Variants in MYO3A observed in about 807,000 individuals in gnomAD.
MYO3A encodes the protein myosin-IIIa.
In MYO3A, 180 loss-of-function variants were observed where a neutral mutation model predicts 192.7. The observed-to-expected ratio is 0.93, with a 90% CI of 0.83 to 1.06. The LOEUF (loss-of-function observed/expected upper bound fraction) is 1.06, where lower values mean the gene tolerates loss of function less well. MYO3A is among the 50% of genes least tolerant of loss of function. The pLI is 0.00. For missense variants in MYO3A, 1,896 were observed against 1,905.0 expected, an observed-to-expected ratio of 1.00 and a Z score of 0.09; for synonymous variants, 628 against 645.3, an observed-to-expected ratio of 0.97 and a Z score of 0.41.
rs1426202313 is a variant in MYO3A, at chr10:25,997,158, G to A, written c.409-1G>A. The A allele has an allele frequency of 1.9e-6, 3 of 1,609,496 alleles. No individual in the cohort carries two copies. Among genetic ancestry groups the A allele is most frequent in the Non-Finnish European group, 2.6e-6 (3 of 1,176,312 alleles). ...GTCATTATATATTTCTTATCTTCTA[G>A]GGACTTCAACATTTGCATAACAACA... On this transcript the variant is annotated splice_acceptor_variant, in intron 5 of 34. Transcript: ENST00000642920. LOFTEE classifies it high-confidence loss of function.
chr10:25,992,231 T>C (rs2130867450), intron 4 of MYO3A, among the ~76,000 whole-genome samples: 1 of 152,336 alleles, frequency 6.6e-6, no homozygotes, highest in East Asian at 1.9e-4. Context: ...GTCCTTCACA[T>C]CCCTTGTAAG....
At position 26,168,878 on chromosome 10, in the gene MYO3A, A is replaced by G; in HGVS notation, c.3274+4A>G. 1 of 1,606,734 alleles carries G rather than the reference A, an allele frequency of 6.2e-7. No individual in the cohort carries two copies. The highest frequency in any genetic ancestry group is 8.5e-7 in the Non-Finnish European group (1 of 1,176,114). ...AGCGCTATAATAATACAGTCAGGTA[A>G]TCTCTTTGACATATTTAGATATGGT... On this transcript the variant is annotated splice_donor_region_variant and intron_variant, in intron 28 of 34. Transcript: ENST00000642920.
At chr10:26,205,212 A>G (rs1189822130) in intron 34 of MYO3A, among the ~76,000 whole-genome samples, 1 of 152,212 alleles carries the variant, frequency 6.6e-6, no homozygotes, top group Non-Finnish European at 1.5e-5. Flanking sequence ...TGGCTTGATC[A>G]TGCTAATTAA....
chr10:25,945,679 G>T (rs2130468863), intron 2 of MYO3A, among the ~76,000 whole-genome samples: 1 of 152,188 alleles, frequency 6.6e-6, no homozygotes, highest in African/African-American at 2.4e-5. Flanking sequence ...CATCAGATGT[G>T]TTCCTTTATA....
Position 26,168,794 on chromosome 10 carries a change from G to A in MYO3A, c.3194G>A (p.Cys1065Tyr), listed in dbSNP as rs759442276. Residue 1065 changes from cysteine (C) to tyrosine (Y), a missense_variant, in exon 28 of 35, where the codon TGT becomes TAT. By Grantham distance (194) the Cys-to-Tyr change is radical. Coordinates refer to ENST00000642920, the MANE Select transcript of MYO3A (RefSeq NM_017433.5). ...AIDKLILIQA[C>Y]VRAFLCSRRY... ...GACAAGCTTATTTTGATTCAAGCTTGTGTCAGAGCATTCTTGTGTTCAAGA... is the reference window on the plus strand; with the variant it reads ...GACAAGCTTATTTTGATTCAAGCTTATGTCAGAGCATTCTTGTGTTCAAGA... The A allele has an allele frequency of 6.2e-6, 10 of 1,613,242 alleles. No individual in the cohort carries two copies. In the South Asian group the frequency reaches 6.6e-5, roughly 11 times the overall value.
At chr10:26,023,546 G>A (rs12572400) in intron 8 of MYO3A, 48,959 of 157,648 alleles carry the variant, frequency 0.31, 7,908 homozygotes, top group Middle Eastern at 0.44. Flanking sequence ...GTTTCCTGCC[G>A]TGTGTCCAGT....
chr10:26,018,351 A>G (rs1045621119), intron 7 of MYO3A, among the ~76,000 whole-genome samples: 4 of 152,170 alleles, frequency 2.6e-5, no homozygotes, highest in Non-Finnish European at 4.4e-5. Context: ...TGAAGAACAT[A>G]TTTTAAATAA....
chr10:26,088,210 A>T lies in MYO3A; in HGVS notation c.1367A>T (p.Asn456Ile). ...TTAATATTTTCTATTTAGGCTAATA[A>T]CAGAACCTTGCAAGAGAAGATTTTA... Reference protein sequence around the residue: ...QQLTVLGKANNRTLQEKILQV... With the variant: ...QQLTVLGKANIRTLQEKILQV... Residue 456 changes from asparagine to isoleucine, a missense_variant, in exon 15 of 35, where the codon AAC becomes ATC. Physicochemically the swap from Asn to Ile is moderately radical, Grantham distance 149 (BLOSUM62 -3). Coordinates refer to ENST00000642920, the MANE Select transcript of MYO3A (RefSeq NM_017433.5). The T allele has an allele frequency of 6.2e-7, 1 of 1,607,670 alleles. No homozygotes were observed. Among genetic ancestry groups the T allele is most frequent in the Non-Finnish European group, 8.5e-7 (1 of 1,176,320 alleles).
intron 4 of MYO3A, among the ~76,000 whole-genome samples, chr10:25,963,022 C>T (rs114838535): frequency 0.011 from 1,649 of 152,208 alleles, 25 homozygotes; most frequent in African/African-American, 0.037. Flanking sequence ...AGACCCTTTC[C>T]CTCATAATCC....
intron 20 of MYO3A, among the ~76,000 whole-genome samples, chr10:26,134,361 T>C (rs1438709689): frequency 2.6e-5 from 4 of 152,136 alleles, no homozygotes; most frequent in Non-Finnish European, 5.9e-5. Context: ...ACATAAAAAC[T>C]AACAGGATCA....
intron 21 of MYO3A, among the ~76,000 whole-genome samples, chr10:26,144,206 TA>T (rs1002452667): frequency 6.7e-6 from 1 of 149,412 alleles, no homozygotes; most frequent in African/African-American, 2.5e-5. Flanking sequence ...CTCCTTAAAT[TA>T]AAAAAGAAAA....
chr10:26,038,001 A>G (rs1843131140), intron 10 of MYO3A, among the ~76,000 whole-genome samples: 1 of 152,210 alleles, frequency 6.6e-6, no homozygotes, highest in African/African-American at 2.4e-5. Flanking sequence ...GTGAAAAAAG[A>G]GCTCACTGTG....
At chr10:26,135,364 A>C (rs1839787764) in intron 20 of MYO3A, among the ~76,000 whole-genome samples, 1 of 151,664 alleles carries the variant, frequency 6.6e-6, no homozygotes, top group Admixed American at 6.6e-5. Flanking sequence ...CATAAATATA[A>C]ATTATTATTT....
At chr10:26,098,733 A>G (rs1382160655) in intron 17 of MYO3A, among the ~76,000 whole-genome samples, 2 of 152,092 alleles carry the variant, frequency 1.3e-5, no homozygotes, top group African/African-American at 2.4e-5. Context: ...GATGTGTGGT[A>G]TTATTTCTGA....
chr10:26,043,338 T>C (rs55840671), intron 10 of MYO3A, among the ~76,000 whole-genome samples: 24,655 of 152,018 alleles, frequency 0.16, 2,271 homozygotes, highest in Non-Finnish European at 0.21. Context: ...GCTCAAGGCA[T>C]TGGAGTTCTA....
chr10:25,940,690 T>C (rs1194871339), intron 2 of MYO3A, among the ~76,000 whole-genome samples: 1 of 152,176 alleles, frequency 6.6e-6, no homozygotes, highest in African/African-American at 2.4e-5. Flanking sequence ...GAAAGATACT[T>C]TTATGGGTAC....
At chr10:26,170,566 T>C in intron 29 of MYO3A, 27 bp downstream of exon 29, 2 of 1,594,374 alleles carry the variant, frequency 1.3e-6, no homozygotes, top group Non-Finnish European at 1.7e-6. Flanking sequence ...TCTTATACCG[T>C]TGTAACATAT....
intron 32 of MYO3A, among the ~76,000 whole-genome samples, chr10:26,195,248 G>T (rs1187350750): frequency 2.6e-5 from 4 of 152,028 alleles, no homozygotes; most frequent in African/African-American, 9.7e-5. Flanking sequence ...CTATTACCTT[G>T]ACTTCTCCCT....
At chr10:26,011,180 G>A (rs2131008165) in intron 6 of MYO3A, among the ~76,000 whole-genome samples, 1 of 152,242 alleles carries the variant, frequency 6.6e-6, no homozygotes, top group Non-Finnish European at 1.5e-5. Context: ...TGTAATGCCA[G>A]CACTTTGGGA....
Sources: gnomAD v4.1 joint callset for allele counts (sites outside exome capture counted in the v4.1 genomes callset) on GRCh38, gnomAD v4.1.1 for gene constraint, MANE v1.5 for transcripts, NCBI Gene and HGNC (gene_info 2026-07-23, HGNC 2026-07-21) for gene names.